SPATA16: variants seen among roughly 807,000 people sequenced by gnomAD.
The protein encoded by SPATA16 is spermatogenesis-associated protein 16.
SPATA16 carries 36 observed loss-of-function variants against 63.3 expected under a neutral mutation model. The ratio of observed to expected loss-of-function variants is 0.57; its 90% CI spans 0.44 to 0.75. The LOEUF is 0.75. SPATA16 is among the 30% of genes least tolerant of loss of function. The pLI is 0.00. For synonymous variants in SPATA16, 203 were observed against 216.7 expected, an observed-to-expected ratio of 0.94 and a Z score of 0.56; for missense variants, 646 against 679.3, an observed-to-expected ratio of 0.95 and a Z score of 0.54.
chr3:173,120,748 T>G (rs1738040678), intron 1 of SPATA16, among the ~76,000 whole-genome samples: 1 of 152,200 alleles, frequency 6.6e-6, no homozygotes, highest in Non-Finnish European at 1.5e-5. Flanking sequence ...TTCCTCTGCC[T>G]ATTTTCCTCC....
At chr3:172,891,516 T>C (rs1731895357) in intron 10 of SPATA16, among the ~76,000 whole-genome samples, 1 of 152,228 alleles carries the variant, frequency 6.6e-6, no homozygotes, top group African/African-American at 2.4e-5. Context: ...ATCCATCTCA[T>C]AATGATGCTG....
intron 7 of SPATA16, 120 bp from the exon 8 acceptor site, chr3:172,924,437 G>C: frequency 2.6e-6 from 2 of 762,410 alleles, no homozygotes; most frequent in Non-Finnish European, 4.4e-6. Context: ...CTTTAGTATA[G>C]AAACTAGTCC....
intron 10 of SPATA16, among the ~76,000 whole-genome samples, chr3:172,900,742 G>A (rs900020049): frequency 1.3e-5 from 2 of 152,068 alleles, no homozygotes; most frequent in African/African-American, 4.8e-5. Flanking sequence ...CCGGATTCAA[G>A]TGATTCTCCT....
intron 4 of SPATA16, among the ~76,000 whole-genome samples, chr3:172,996,158 C>T (rs573332164): frequency 2.6e-5 from 4 of 152,108 alleles, no homozygotes; most frequent in African/African-American, 4.8e-5. Flanking sequence ...ACATTTTAGG[C>T]GAGACCACCA....
intron 2 of SPATA16, among the ~76,000 whole-genome samples, chr3:173,105,224 CAT>C (rs1466838727): frequency 1.3e-5 from 2 of 152,178 alleles, no homozygotes; most frequent in African/African-American, 4.8e-5. Flanking sequence ...ATCCTGAACA[CAT>C]AGTTAACATA....
At chr3:173,069,112 G>GAAAAA (rs541801266) in intron 2 of SPATA16, among the ~76,000 whole-genome samples, 14,939 of 108,508 alleles carry the variant, frequency 0.14, 909 homozygotes, top group East Asian at 0.26. Flanking sequence ...TCCGTCTCAA[G>GAAAAA]AAAAAAAAAA....
chr3:172,997,460 T>A (rs562539586), intron 4 of SPATA16, among the ~76,000 whole-genome samples: 124 of 151,954 alleles, frequency 8.2e-4, no homozygotes, highest in Non-Finnish European at 3.2e-4. Context: ...AAAATTATAT[T>A]TTTTTTTACT....
At chr3:172,898,624 ATT>A (rs144965087) in intron 10 of SPATA16, among the ~76,000 whole-genome samples, 1 of 144,714 alleles carries the variant, frequency 6.9e-6, no homozygotes, top group Non-Finnish European at 1.5e-5. Flanking sequence ...GTCTTGCTAG[ATT>A]TTTTTTTTTT....
chr3:173,033,782 G>A (rs1032908899), intron 3 of SPATA16, among the ~76,000 whole-genome samples: 1 of 152,198 alleles, frequency 6.6e-6, no homozygotes, highest in African/African-American at 2.4e-5. Flanking sequence ...TTGGCTCTCT[G>A]CAACTTCTGC....
At chr3:173,036,884 A>G (rs139486563) in intron 3 of SPATA16, among the ~76,000 whole-genome samples, 187 of 152,136 alleles carry the variant, frequency 1.2e-3, no homozygotes, top group African/African-American at 4.2e-3. Flanking sequence ...TAAAATATTT[A>G]ACATGTAATG....
intron 5 of SPATA16, 21 bp from the exon 6 acceptor site, chr3:172,956,845 C>T: frequency 1.9e-6 from 3 of 1,612,714 alleles, no homozygotes; most frequent in Non-Finnish European, 2.5e-6. Context: ...ACAAACAACC[C>T]ATTTGGCATC....
At chr3:172,929,574 G>GAC (rs146783336) in intron 6 of SPATA16, among the ~76,000 whole-genome samples, 6 of 151,160 alleles carry the variant, frequency 4.0e-5, no homozygotes, top group East Asian at 1.9e-4. Context: ...CTCTCTCTCT[G>GAC]ACACACACAC....
chr3:172,931,043 C>T lies in SPATA16; in HGVS notation c.1082-5551G>A, dbSNP rs183908843. Among the ~76,000 whole-genome samples, 167 of 151,560 alleles carry T rather than the reference C, an allele frequency of 1.1e-3. 2 individuals are homozygous for T. The Middle Eastern group carries it at 0.014, about 13-fold the overall frequency. ...TTCGCCTTGTTGGGCAGGCTGGTCTCGAACTCCTGACCTCAGGTGATCCAC... is the reference window on the plus strand; with the variant it reads ...TTCGCCTTGTTGGGCAGGCTGGTCTTGAACTCCTGACCTCAGGTGATCCAC... On this transcript the variant is annotated intron_variant, in intron 6 of 10. Transcript: ENST00000351008.
chr3:173,138,101 G>C (rs73032634), intron 1 of SPATA16, among the ~76,000 whole-genome samples: 4 of 151,632 alleles, frequency 2.6e-5, no homozygotes, highest in African/African-American at 7.3e-5. Context: ...TTTTCTTGGT[G>C]GGGGGGTGAT....
intron 6 of SPATA16, among the ~76,000 whole-genome samples, chr3:172,947,971 A>G (rs534624794): frequency 6.6e-6 from 1 of 152,304 alleles, no homozygotes; most frequent in South Asian, 2.1e-4. Flanking sequence ...AGAATGAAGC[A>G]TGCCTTCAAG....
chr3:173,083,005 G>C (rs945242581), intron 2 of SPATA16, among the ~76,000 whole-genome samples: 3 of 152,028 alleles, frequency 2.0e-5, no homozygotes, highest in African/African-American at 7.2e-5. Context: ...TAAAATAAAA[G>C]AAATGCTAGT....
At chr3:173,052,847 G>A (rs548477550) in intron 2 of SPATA16, among the ~76,000 whole-genome samples, 18 of 152,164 alleles carry the variant, frequency 1.2e-4, no homozygotes, top group Admixed American at 7.8e-4. Context: ...TGGAGATAAG[G>A]AATAAAAACT....
chr3:172,958,725 G>C lies in SPATA16; in HGVS notation c.934-1901C>G, dbSNP rs563193553. Among the ~76,000 whole-genome samples the C allele has an allele frequency of 2.0e-5, 3 of 152,228 alleles. No individual in the cohort carries two copies. In the East Asian group the frequency reaches 5.8e-4, roughly 29 times the overall value. ...TTTCTTCTGAGGGTCTCTCTACTTG[G>C]CTTGTAGATGGCTGTCTTTCCCCAT... is the stretch of plus-strand genomic sequence containing the variant. On this transcript the variant is annotated intron_variant, in intron 5 of 10. Transcript: ENST00000351008.
intron 10 of SPATA16, among the ~76,000 whole-genome samples, chr3:172,897,885 T>C (rs1732040734): frequency 6.6e-6 from 1 of 152,094 alleles, no homozygotes; most frequent in Non-Finnish European, 1.5e-5. Flanking sequence ...TATTTAACTA[T>C]AGAATTTTTG....
Sources: gnomAD v4.1 joint callset for allele counts (sites outside exome capture counted in the v4.1 genomes callset) on GRCh38, gnomAD v4.1.1 for gene constraint, MANE v1.5 for transcripts, NCBI Gene and HGNC (gene_info 2026-07-23, HGNC 2026-07-21) for gene names.